C15orf61: variants seen among roughly 807,000 people sequenced by gnomAD.
C15orf61 encodes the protein chromosome 15 open reading frame 61.
C15orf61 carries 12 observed loss-of-function variants against 13.7 expected under a neutral mutation model. The observed-to-expected ratio is 0.88, with a 90% CI of 0.56 to 1.42. C15orf61 has a LOEUF of 1.42. Among genes scored for constraint, C15orf61 ranks in the 40% most tolerant of loss-of-function variants. The pLI is 0.00. For synonymous variants in C15orf61, 92 were observed against 94.1 expected, an observed-to-expected ratio of 0.98 and a Z score of 0.13; for missense variants, 248 against 213.2, an observed-to-expected ratio of 1.16 and a Z score of -1.02.
In C15orf61 at chr15:67,528,179, G is replaced by A. The variant is rs982338871; in HGVS notation, c.*1634G>A. ...ACCAGACTATAAATACAGCTTTTCA[G>A]TAGAGTTGCACCTCTTTTCACACTG... is the stretch of plus-strand genomic sequence containing the variant. On this transcript the variant is annotated 3_prime_UTR_variant, in exon 2 of 2. Coordinates refer to ENST00000342683, the MANE Select transcript of C15orf61 (RefSeq NM_001143936.2). 2.0e-5 allele frequency: 3 copies of A among 152,218 alleles called. No homozygotes were observed. The highest frequency in any genetic ancestry group is 4.4e-5 in the Non-Finnish European group (3 of 68,040). 9.4% of individuals were successfully genotyped at this position (152,218 alleles called of 1,614,324 possible). A position where few individuals can be genotyped will look rare whatever the true frequency, so the allele number is the denominator to read the frequency against.
intron 1 of C15orf61, among the ~76,000 whole-genome samples, chr15:67,524,696 AT>A (rs2084188549): frequency 6.6e-6 from 1 of 152,194 alleles, no homozygotes; most frequent in Non-Finnish European, 1.5e-5. Flanking sequence ...AGTGGCTGGA[AT>A]GAAGCTTCAG....
rs1180235644 is a variant in C15orf61, at chr15:67,525,883, G to A, written c.347-535G>A. Among the ~76,000 whole-genome samples, 2 of 152,104 alleles carry A rather than the reference G, an allele frequency of 1.3e-5. No homozygotes were observed. Among genetic ancestry groups the A allele is most frequent in the Non-Finnish European group, 2.9e-5 (2 of 67,996 alleles). ...ACAAAAATTATCTGAGCGTGGTGGCGCGCGCCTGTAGTCCCAGCTACTCAG... is the reference window on the plus strand; with the variant it reads ...ACAAAAATTATCTGAGCGTGGTGGCACGCGCCTGTAGTCCCAGCTACTCAG... On this transcript the variant is annotated intron_variant, in intron 1 of 1. Coordinates refer to ENST00000342683, the MANE Select transcript of C15orf61 (RefSeq NM_001143936.2). The surrounding 1 kb of genome is among the most constrained non-coding windows in gnomAD (Gnocchi z 4.9).
chr15:67,523,203 A>C (rs556098452), intron 1 of C15orf61, among the ~76,000 whole-genome samples: 1 of 152,276 alleles, frequency 6.6e-6, no homozygotes, highest in East Asian at 1.9e-4. Context: ...ATACTGATAA[A>C]GGGAATTAAA....
intron 1 of C15orf61, among the ~76,000 whole-genome samples, chr15:67,522,400 T>G (rs2084172055): frequency 2.0e-5 from 3 of 152,124 alleles, no homozygotes; most frequent in Admixed American, 2.0e-4. Flanking sequence ...CCCAGCCAGG[T>G]TTTTAAAGCC....
rs755684481 is a variant in C15orf61, at chr15:67,522,198, T to C, written c.346+604T>C. The stretch of plus-strand genomic sequence containing the variant: ...GGAGACGCCCTGAGGATGTTTACTG[T>C]CACTAGGTGTTTATTTTCTTTTGGT... On this transcript the variant is annotated intron_variant, in intron 1 of 1. Coordinates refer to ENST00000342683, the MANE Select transcript of C15orf61 (RefSeq NM_001143936.2). 2.5e-4 allele frequency: 176 copies of C among 701,824 alleles called. 1 individual carries two copies. The highest frequency in any genetic ancestry group is 2.0e-4 in the Admixed American group (10 of 49,994). 43.5% of individuals were successfully genotyped at this position (701,824 alleles called of 1,614,324 possible).
In C15orf61 at chr15:67,529,379, AC is replaced by A. The variant is rs930183268; in HGVS notation, c.*2835del. On this transcript the variant is annotated 3_prime_UTR_variant, in exon 2 of 2. Transcript: ENST00000342683. This position sits in a 1 kb window ranked among gnomAD's most constrained non-coding sequence, Gnocchi z 4.4. ...TGTAGAAACAGTTATAGTTTACCAC[AC>A]ATTTTGGGGCATTAATATTTTTCTA... 7 of 152,170 alleles carry A rather than the reference AC, an allele frequency of 4.6e-5. No individual in the cohort carries two copies. Among genetic ancestry groups the A allele is most frequent in the African/African-American group, 1.7e-4 (7 of 41,432 alleles). The allele number at this position is 152,170 out of a possible 1,614,324, so 9.4% of individuals were successfully genotyped here.
rs1028207569 is a variant in C15orf61, at chr15:67,525,878, G to C, written c.347-540G>C. On this transcript the variant is annotated intron_variant, in intron 1 of 1. Transcript: ENST00000342683. The surrounding 1 kb of genome is among the most constrained non-coding windows in gnomAD (Gnocchi z 4.9). The stretch of plus-strand genomic sequence containing the variant: ...AAAGTACAAAAATTATCTGAGCGTG[G>C]TGGCGCGCGCCTGTAGTCCCAGCTA... Among the ~76,000 whole-genome samples, 4 of 152,164 alleles carry C rather than the reference G, an allele frequency of 2.6e-5. No homozygotes were observed. Among genetic ancestry groups the C allele is most frequent in the African/African-American group, 9.7e-5 (4 of 41,446 alleles).
At chr15:67,524,705 C>T (rs2084188599) in intron 1 of C15orf61, among the ~76,000 whole-genome samples, 1 of 152,104 alleles carries the variant, frequency 6.6e-6, no homozygotes, top group South Asian at 2.1e-4. Context: ...AATGAAGCTT[C>T]AGGGAGTAAG....
intron 1 of C15orf61, among the ~76,000 whole-genome samples, chr15:67,524,270 G>A (rs2084186114): frequency 6.6e-6 from 1 of 152,028 alleles, no homozygotes; most frequent in South Asian, 2.1e-4. Context: ...CAGCTTTGAA[G>A]TTGTGATATT....
rs1258198180 is a variant in C15orf61 at position 67,525,202 on chromosome 15, T to G, written c.347-1216T>G. Among the ~76,000 whole-genome samples, 1 of 152,248 alleles carries G rather than the reference T, an allele frequency of 6.6e-6. No homozygotes were observed. Among genetic ancestry groups the G allele is most frequent in the Non-Finnish European group, 1.5e-5 (1 of 68,038 alleles). On this transcript the variant is annotated intron_variant, in intron 1 of 1. Transcript: ENST00000342683. The surrounding 1 kb of genome is among the most constrained non-coding windows in gnomAD (Gnocchi z 4.9). ...CAGCTATCCTTTTAAAGTGTCACTT[T>G]CTGCCCATTTCCCACATAAGAGCAT...
In C15orf61 at chr15:67,526,650, T is replaced by C; in HGVS notation, c.*105T>C. The C allele has an allele frequency of 8.6e-7, 1 of 1,163,222 alleles. No homozygotes were observed. The highest frequency in any genetic ancestry group is 1.1e-6 in the Non-Finnish European group (1 of 874,242). 72.1% of individuals were successfully genotyped at this position (1,163,222 alleles called of 1,614,324 possible). A position where few individuals can be genotyped will look rare whatever the true frequency, so the allele number is the denominator to read the frequency against. On this transcript the variant is annotated 3_prime_UTR_variant, in exon 2 of 2. Transcript: ENST00000342683. ...AAAACTTTTGCAAATACTTTTTTCT[T>C]TCTACAGTATCTGCTTCTTTAAGAT...
rs779823399 is a variant in C15orf61 at position 67,529,998 on chromosome 15, C to T, written c.*3453C>T. 1 of 152,162 alleles carries T rather than the reference C, an allele frequency of 6.6e-6. No homozygotes were observed. The highest frequency in any genetic ancestry group is 1.5e-5 in the Non-Finnish European group (1 of 68,030). The allele number at this position is 152,162 out of a possible 1,614,324, so 9.4% of individuals were successfully genotyped here. A position where few individuals can be genotyped will look rare whatever the true frequency, so the allele number is the denominator to read the frequency against. ...CTCAAACAATAATGACATTTGGGGG[C>T]ATCTTAACCTAAACAAGTACTTAGC... On this transcript the variant is annotated 3_prime_UTR_variant, in exon 2 of 2. Coordinates refer to ENST00000342683, the MANE Select transcript of C15orf61 (RefSeq NM_001143936.2). This position sits in a 1 kb window ranked among gnomAD's most constrained non-coding sequence, Gnocchi z 4.4.
In C15orf61 at chr15:67,521,299, T is replaced by C; in HGVS notation, c.51T>C (p.Cys17=). The change falls in exon 1 of 2, where the codon TGT becomes TGC. Residue 17 remains cysteine, a synonymous_variant. Transcript: ENST00000342683. ...AGGTCGCGCTCCGCCTGCTGCTGTG[T>C]AGGCCGTGGGCCTCGCGCGCCGCCG... The part of the protein sequence containing the change: ...AHEVALRLLL[C]RPWASRAAAR... 1 of 1,516,178 alleles carries C rather than the reference T, an allele frequency of 6.6e-7. No homozygotes were observed. The highest frequency in any genetic ancestry group is 8.8e-7 in the Non-Finnish European group (1 of 1,137,170). The allele number at this position is 1,516,178 out of a possible 1,614,324, so 93.9% of individuals were successfully genotyped here.
At position 67,526,398 on chromosome 15, in the gene C15orf61, C is replaced by T. The variant is rs1405633198; in HGVS notation, c.347-20C>T. Reference sequence around the variant, plus strand: ...TGATTAATAAGCATTGATGTTTATACATATTCGTTTGTTTTCTAGGTATTC... The same window carrying T: ...TGATTAATAAGCATTGATGTTTATATATATTCGTTTGTTTTCTAGGTATTC... On this transcript the variant is annotated intron_variant, in intron 1 of 1. Coordinates refer to ENST00000342683, the MANE Select transcript of C15orf61 (RefSeq NM_001143936.2). The T allele has an allele frequency of 6.8e-7, 1 of 1,469,566 alleles. No individual in the cohort carries two copies. The highest frequency in any genetic ancestry group is 9.3e-7 in the Non-Finnish European group (1 of 1,079,684). The allele number at this position is 1,469,566 out of a possible 1,614,324, so 91.0% of individuals were successfully genotyped here.
intron 1 of C15orf61, 132 bp from the exon 2 acceptor site, chr15:67,526,280 ATCAGAG>A (rs2084198193): frequency 1.8e-6 from 1 of 569,814 alleles, no homozygotes; most frequent in Non-Finnish European, 2.9e-6. Context: ...CTCTTAGATA[ATCAGAG>A]TCAATGTTGA....
At chr15:67,521,897 C>T (rs2084167589) in intron 1 of C15orf61, 1 of 662,606 alleles carries the variant, frequency 1.5e-6, no homozygotes, top group Admixed American at 2.4e-5. Flanking sequence ...GGGCAGTAAG[C>T]CAGGGGGCGT....
chr15:67,526,526 A>G lies in C15orf61; in HGVS notation c.455A>G (p.Asp152Gly). 6.5e-7 allele frequency: 1 copy of G among 1,537,316 alleles called. No individual in the cohort carries two copies. The highest frequency in any genetic ancestry group is 1.2e-5 in the South Asian group (1 of 80,504). ...PITVYFLNKE[D>G]EGAMY is the part of the protein sequence containing the mutation. ...ACAGTTTATTTTCTCAATAAAGAAG[A>G]TGAAGGTGCCATGTATTGAAAGTGT... The change falls in exon 2 of 2, where the codon GAT (aspartate) becomes GGT (glycine). Residue 152 changes from aspartate (D) to glycine (G), a missense_variant. Transcript: ENST00000342683.
At position 67,529,193 on chromosome 15, in the gene C15orf61, G is replaced by A. The variant is rs1010719475; in HGVS notation, c.*2648G>A. Reference sequence around the variant, plus strand: ...TATTTCTATACAAATGAATTATCACGTATTGGAATAAATTTCTAGGCAAAT... The same window carrying A: ...TATTTCTATACAAATGAATTATCACATATTGGAATAAATTTCTAGGCAAAT... On this transcript the variant is annotated 3_prime_UTR_variant, in exon 2 of 2. Coordinates refer to ENST00000342683, the MANE Select transcript of C15orf61 (RefSeq NM_001143936.2). The surrounding 1 kb of genome is among the most constrained non-coding windows in gnomAD (Gnocchi z 4.4). 3 of 152,006 alleles carry A rather than the reference G, an allele frequency of 2.0e-5. No homozygotes were observed. Among genetic ancestry groups the A allele is most frequent in the African/African-American group, 7.3e-5 (3 of 41,360 alleles). 9.4% of individuals were successfully genotyped at this position (152,006 alleles called of 1,614,324 possible).
chr15:67,527,008 A>G lies in C15orf61; in HGVS notation c.*463A>G, dbSNP rs2084202816. 1 of 152,294 alleles carries G rather than the reference A, an allele frequency of 6.6e-6. No homozygotes were observed. Among genetic ancestry groups the G allele is most frequent in the Non-Finnish European group, 1.5e-5 (1 of 68,096 alleles). 9.4% of individuals were successfully genotyped at this position (152,294 alleles called of 1,614,324 possible). ...CAAAATTGATGAGAATCTAATTGTA[A>G]TCTCAAGTCTAAACCATTCAGCTGC... On this transcript the variant is annotated 3_prime_UTR_variant, in exon 2 of 2. Transcript: ENST00000342683.
Sources: gnomAD v4.1 joint callset for allele counts (sites outside exome capture counted in the v4.1 genomes callset) on GRCh38, gnomAD v4.1.1 for gene constraint, Gnocchi (gnomAD v3.1) non-coding constraint, MANE v1.5 for transcripts, NCBI Gene and HGNC (gene_info 2026-07-23, HGNC 2026-07-21) for gene names.